Variants in DHX35 observed in about 807,000 individuals in gnomAD.
The protein encoded by DHX35 is DEAH-box helicase 35.
Under a neutral mutation model 99.6 loss-of-function variants are expected in DHX35, and 84 were observed. The ratio of observed to expected loss-of-function variants is 0.84; its 90% CI spans 0.71 to 1.01. The LOEUF (loss-of-function observed/expected upper bound fraction) is 1.01. DHX35 is among the 50% of genes least tolerant of loss of function. DHX35 has a pLI of 0.00. For synonymous variants in DHX35, 331 were observed against 316.2 expected (o/e 1.05, Z -0.50); for missense variants, 852 against 888.5 (o/e 0.96, Z 0.52).
intron 3 of DHX35, among the ~76,000 whole-genome samples, chr20:38,983,264 A>G (rs146226373): frequency 7.9e-5 from 12 of 152,352 alleles, no homozygotes; most frequent in Non-Finnish European, 1.2e-4. Context: ...GTATAGTCAT[A>G]TATATAAAAT....
At chr20:39,013,620 T>C (rs1395509610) in intron 13 of DHX35, among the ~76,000 whole-genome samples, 1 of 152,230 alleles carries the variant, frequency 6.6e-6, no homozygotes, top group African/African-American at 2.4e-5. Flanking sequence ...AGAGCTGACC[T>C]TGTTAGCTTT....
intron 3 of DHX35, among the ~76,000 whole-genome samples, chr20:38,977,032 T>C (rs1176068581): frequency 1.3e-5 from 2 of 152,248 alleles, no homozygotes; most frequent in African/African-American, 4.8e-5. Flanking sequence ...TGATTCCATG[T>C]CTCGGCTGTT....
intron 4 of DHX35, among the ~76,000 whole-genome samples, chr20:38,988,220 A>AT (rs1355716961): frequency 1.3e-5 from 2 of 151,868 alleles, no homozygotes; most frequent in African/African-American, 2.4e-5. Flanking sequence ...ATCTTTTGAA[A>AT]TTTTTTCTGT....
intron 16 of DHX35, 52 bp downstream of exon 16, chr20:39,021,987 C>A (rs762913942): frequency 1.4e-4 from 224 of 1,571,808 alleles, no homozygotes; most frequent in Admixed American, 4.2e-4. Context: ...TTGCTTTGAG[C>A]TTTCGTTGTC....
intron 20 of DHX35, 98 bp downstream of exon 20, chr20:39,030,873 C>T: frequency 7.3e-7 from 1 of 1,366,838 alleles, no homozygotes; most frequent in Non-Finnish European, 1.0e-6. Flanking sequence ...TCTAGAATTG[C>T]TGCTCTGGGC....
At chr20:38,965,034 C>T (rs749911818) in intron 1 of DHX35, among the ~76,000 whole-genome samples, 1 of 152,178 alleles carries the variant, frequency 6.6e-6, no homozygotes, top group Non-Finnish European at 1.5e-5. Flanking sequence ...TCTGAAAAGT[C>T]CTGATGTGCA....
chr20:38,995,989 G>A (rs1350947339), intron 8 of DHX35, among the ~76,000 whole-genome samples: 1 of 152,130 alleles, frequency 6.6e-6, no homozygotes, highest in Non-Finnish European at 1.5e-5. Flanking sequence ...TTTCTCCAGT[G>A]CTCCCTACAT....
chr20:38,977,036 G>T (rs749903946), intron 3 of DHX35, among the ~76,000 whole-genome samples: 17 of 152,014 alleles, frequency 1.1e-4, no homozygotes, highest in Admixed American at 1.1e-3. Flanking sequence ...TCCATGTCTC[G>T]GCTGTTGTGA....
intron 8 of DHX35, among the ~76,000 whole-genome samples, chr20:38,996,001 T>G (rs2086423194): frequency 6.6e-6 from 1 of 152,192 alleles, no homozygotes; most frequent in Non-Finnish European, 1.5e-5. Flanking sequence ...TCCCTACATT[T>G]CAGCCTCACT....
chr20:39,018,390 G>A (rs889473858), intron 14 of DHX35, among the ~76,000 whole-genome samples: 1 of 152,032 alleles, frequency 6.6e-6, no homozygotes, highest in African/African-American at 2.4e-5. Context: ...GCAGAGCCGA[G>A]TGCTGCTGAG....
chr20:39,018,962 A>C (rs2867897), intron 15 of DHX35, 63 bp downstream of exon 15: 88,558 of 1,480,294 alleles, frequency 0.06, 3,176 homozygotes, highest in Non-Finnish European at 0.073. Context: ...TGTTTGCCTG[A>C]ATTCTGAGCA....
intron 14 of DHX35, among the ~76,000 whole-genome samples, chr20:39,015,786 T>C (rs2086775600): frequency 6.6e-6 from 1 of 152,138 alleles, no homozygotes; most frequent in African/African-American, 2.4e-5. Context: ...ACAGTCTAAT[T>C]GTAGAGCATA....
intron 14 of DHX35, among the ~76,000 whole-genome samples, chr20:39,016,687 A>T (rs1199032165): frequency 6.6e-6 from 1 of 152,086 alleles, no homozygotes; most frequent in African/African-American, 2.4e-5. Flanking sequence ...CAATGCTTGT[A>T]ATTGTCTTTT....
intron 1 of DHX35, chr20:38,962,913 A>G (rs2085856791): frequency 6.4e-6 from 1 of 156,998 alleles, no homozygotes; most frequent in Non-Finnish European, 1.4e-5. Flanking sequence ...TAAAGTGGGC[A>G]GAACAATAGC....
chr20:38,983,818 C>T (rs1295507159), intron 4 of DHX35, 42 bp downstream of exon 4: 1 of 1,551,198 alleles, frequency 6.4e-7, no homozygotes, highest in African/African-American at 1.4e-5. Context: ...TCTGTGTTGT[C>T]TACATTTGTG....
chr20:39,000,076 C>T (rs897868587), intron 8 of DHX35, among the ~76,000 whole-genome samples: 2 of 152,228 alleles, frequency 1.3e-5, no homozygotes, highest in Non-Finnish European at 2.9e-5. Context: ...CCTCTGTCCT[C>T]CCTTAGGGAC....
intron 3 of DHX35, among the ~76,000 whole-genome samples, chr20:38,983,059 A>G (rs182601045): frequency 1.3e-5 from 2 of 151,586 alleles, no homozygotes; most frequent in African/African-American, 4.8e-5. Flanking sequence ...CTGAGTAGTC[A>G]CGATTACAGG....
At chr20:38,967,631 G>A (rs926156307) in intron 1 of DHX35, among the ~76,000 whole-genome samples, 2 of 152,204 alleles carry the variant, frequency 1.3e-5, no homozygotes, top group African/African-American at 4.8e-5. Flanking sequence ...AGCTAAAACT[G>A]TATGGAACCT....
At chr20:38,962,588 G>T in intron 1 of DHX35, 181 bp downstream of exon 1, 1 of 706,228 alleles carries the variant, frequency 1.4e-6, no homozygotes, top group Non-Finnish European at 2.3e-6. Context: ...GGGATTTGGG[G>T]GTGCTCCCCT....
Sources: allele counts gnomAD v4.1 joint callset (sites outside exome capture counted in the v4.1 genomes callset), GRCh38; gene constraint gnomAD v4.1.1; transcripts MANE v1.5; gene names NCBI Gene and HGNC (gene_info 2026-07-23, HGNC 2026-07-21).